The following LRMDA variants were observed in gnomAD, a reference collection of about 807,000 sequenced individuals.
LRMDA encodes the protein leucine-rich melanocyte differentiation-associated protein.
A neutral mutation model predicts 29.8 loss-of-function variants in LRMDA; 18 were observed. That is an observed-to-expected ratio of 0.60 (90% CI 0.42 to 0.90). LRMDA has a LOEUF of 0.90. LRMDA is among the 40% of genes least tolerant of loss of function. The probability of loss-of-function intolerance (pLI) is 0.00; values close to 1 mark genes in which losing one functional copy is unlikely to be tolerated. For missense variants in LRMDA, 273 were observed against 273.9 expected, an observed-to-expected ratio of 1.00 and a Z score of 0.02; for synonymous variants, 125 against 109.4, an observed-to-expected ratio of 1.14 and a Z score of -0.89.
At chr10:76,286,050 G>A (rs542232089) in intron 5 of LRMDA, among the ~76,000 whole-genome samples, 2 of 152,302 alleles carry the variant, frequency 1.3e-5, no homozygotes, top group South Asian at 4.1e-4. Flanking sequence ...TGGGGAAGCA[G>A]TGTGGGTGTA....
At chr10:75,859,360 C>G (rs1262075850) in intron 2 of LRMDA, among the ~76,000 whole-genome samples, 1 of 152,182 alleles carries the variant, frequency 6.6e-6, no homozygotes, top group Non-Finnish European at 1.5e-5. Context: ...ATTTGACCAG[C>G]TGCCCTGCCC....
At chr10:76,349,179 T>A (rs2132429624) in intron 6 of LRMDA, among the ~76,000 whole-genome samples, 1 of 152,324 alleles carries the variant, frequency 6.6e-6, no homozygotes, top group Admixed American at 6.5e-5. Context: ...GGAGATGTTC[T>A]AATTTGTGGG....
rs192417170 is a variant in LRMDA, at chr10:75,998,643, C to T, written c.132-37365C>T. Among the ~76,000 whole-genome samples the T allele has an allele frequency of 1.5e-3, 231 of 152,330 alleles. 1 individual carries two copies. Among genetic ancestry groups the T allele is most frequent in the African/African-American group, 5.1e-3 (214 of 41,586 alleles). ...TACTGTTGTCCCATTTCTCAGGTGA[C>T]GATCCAGGGCCCAAGGCCACATAGC... On this transcript the variant is annotated intron_variant, in intron 2 of 6. Transcript: ENST00000611255.
intron 2 of LRMDA, among the ~76,000 whole-genome samples, chr10:75,559,945 A>G (rs1840269183): frequency 7.0e-6 from 1 of 141,874 alleles, no homozygotes; most frequent in Non-Finnish European, 1.6e-5. Context: ...GCCTTGTAGT[A>G]TAGTTTGAAG....
chr10:75,459,319 C>A (rs911687487), intron 2 of LRMDA, among the ~76,000 whole-genome samples: 1 of 152,064 alleles, frequency 6.6e-6, no homozygotes, highest in Admixed American at 6.6e-5. Context: ...ACTTATAGTC[C>A]CAGCTACTTG....
intron 2 of LRMDA, among the ~76,000 whole-genome samples, chr10:75,661,270 T>A (rs1841749248): frequency 6.6e-6 from 1 of 152,198 alleles, no homozygotes; most frequent in Non-Finnish European, 1.5e-5. Context: ...CCTGCACGCC[T>A]CGACTCTCGA....
At chr10:76,515,042 G>GA (rs920387514) in intron 6 of LRMDA, among the ~76,000 whole-genome samples, 3 of 151,808 alleles carry the variant, frequency 2.0e-5, no homozygotes, top group Non-Finnish European at 2.9e-5. Context: ...CAGTTGTATT[G>GA]AAAAAAAATG....
At chr10:75,558,793 A>G (rs7901106) in intron 2 of LRMDA, among the ~76,000 whole-genome samples, 86,501 of 139,894 alleles carry the variant, frequency 0.62, 28,766 homozygotes, top group East Asian at 0.85. Context: ...TTGGTTTTTT[A>G]TCCTTGCGAT....
chr10:75,443,156 A>G (rs996317956), intron 2 of LRMDA, among the ~76,000 whole-genome samples: 2 of 152,152 alleles, frequency 1.3e-5, no homozygotes, highest in Non-Finnish European at 2.9e-5. Context: ...GCAAACAGAG[A>G]CAATTTTACT....
chr10:76,107,266 G>A (rs1849501942), intron 5 of LRMDA, among the ~76,000 whole-genome samples: 1 of 152,162 alleles, frequency 6.6e-6, no homozygotes, highest in African/African-American at 2.4e-5. Context: ...AAATTTCTGG[G>A]CCTCACCCCT....
At chr10:76,428,655 A>G (rs796301391) in intron 6 of LRMDA, among the ~76,000 whole-genome samples, 8 of 152,218 alleles carry the variant, frequency 5.3e-5, no homozygotes, top group African/African-American at 1.7e-4. Context: ...GTGGGGGTGA[A>G]TGAGGAGGGT....
At chr10:75,453,526 AT>A (rs1393066366) in intron 2 of LRMDA, among the ~76,000 whole-genome samples, 1 of 152,132 alleles carries the variant, frequency 6.6e-6, no homozygotes, top group Non-Finnish European at 1.5e-5. Flanking sequence ...CAAAGGTGCC[AT>A]TTTTTTCCCG....
chr10:76,263,778 T>C (rs1020640441), intron 5 of LRMDA, among the ~76,000 whole-genome samples: 1 of 152,206 alleles, frequency 6.6e-6, no homozygotes, highest in Non-Finnish European at 1.5e-5. Flanking sequence ...ATTTTGGTGA[T>C]AGGTGACCCT....
Position 75,621,687 on chromosome 10 carries a change from C to A in LRMDA, c.131+183193C>A, listed in dbSNP as rs118033245. ...CACTGGTGTTTATATGTCCTGGGCACAGCAGTTCATCCAGACAATTCTTGG... is the reference window on the plus strand; with the variant it reads ...CACTGGTGTTTATATGTCCTGGGCAAAGCAGTTCATCCAGACAATTCTTGG... On this transcript the variant is annotated intron_variant, in intron 2 of 6. Transcript: ENST00000611255. 5.7e-3 allele frequency among the ~76,000 whole-genome samples: 863 copies of A among 152,268 alleles called. 11 individuals are homozygous for A. The highest frequency in any genetic ancestry group is 6.7e-3 in the Non-Finnish European group (455 of 68,024).
chr10:76,105,759 G>T (rs1030267336), intron 5 of LRMDA, among the ~76,000 whole-genome samples: 5 of 152,036 alleles, frequency 3.3e-5, no homozygotes, highest in African/African-American at 1.2e-4. Flanking sequence ...GTTTTGTTTT[G>T]TTTTTTTGAG....
At chr10:76,190,944 G>A (rs1851233646) in intron 5 of LRMDA, among the ~76,000 whole-genome samples, 1 of 152,200 alleles carries the variant, frequency 6.6e-6, no homozygotes, top group African/African-American at 2.4e-5. Flanking sequence ...GATTCCCTAA[G>A]TTTGGTGAAC....
chr10:76,331,505 A>T (rs557159218), intron 6 of LRMDA, among the ~76,000 whole-genome samples: 1 of 152,310 alleles, frequency 6.6e-6, no homozygotes, highest in East Asian at 1.9e-4. Context: ...ACAGATCCAA[A>T]TTTCTCCTGT....
chr10:75,728,568 T>G (rs760830607), intron 2 of LRMDA, among the ~76,000 whole-genome samples: 2 of 151,686 alleles, frequency 1.3e-5, no homozygotes, highest in Non-Finnish European at 2.9e-5. Flanking sequence ...GAATGAATGG[T>G]GGAAATTCAT....
At chr10:75,879,849 C>T (rs969843628) in intron 2 of LRMDA, among the ~76,000 whole-genome samples, 3 of 152,160 alleles carry the variant, frequency 2.0e-5, no homozygotes, top group African/African-American at 7.2e-5. Context: ...TTATGACGAA[C>T]ATGGGACTGT....
Sources: allele counts gnomAD v4.1 joint callset (sites outside exome capture counted in the v4.1 genomes callset), GRCh38; gene constraint gnomAD v4.1.1; transcripts MANE v1.5; gene names NCBI Gene and HGNC (gene_info 2026-07-23, HGNC 2026-07-21).